The following GRIK2 variants were observed in gnomAD, a reference collection of about 807,000 sequenced individuals.
GRIK2 encodes glutamate ionotropic receptor kainate type subunit 2, also known as glutamate receptor ionotropic, kainate 2.
A neutral mutation model predicts 100.3 loss-of-function variants in GRIK2; 32 were observed. The observed-to-expected ratio is 0.32, with a 90% CI of 0.24 to 0.43. The LOEUF (loss-of-function observed/expected upper bound fraction) is 0.43. GRIK2 is among the 20% of genes least tolerant of loss of function. The probability of loss-of-function intolerance (pLI) is 1.00; values close to 1 mark genes in which losing one functional copy is unlikely to be tolerated. For missense variants in GRIK2, 843 were observed against 1,114.9 expected, an observed-to-expected ratio of 0.76 and a Z score of 3.47; for synonymous variants, 417 against 389.4, an observed-to-expected ratio of 1.07 and a Z score of -0.83.
chr6:102,053,519 C>T (rs1378865711), intron 15 of GRIK2, among the ~76,000 whole-genome samples: 1 of 151,948 alleles, frequency 6.6e-6, no homozygotes, highest in Non-Finnish European at 1.5e-5. Flanking sequence ...TGCTGAGAGC[C>T]TATGATTTGA....
rs71028069 is a variant in GRIK2, at chr6:101,464,497, CTTTTTTTTTTTTTTTTTT to C, written c.115+65126_115+65143del. Among the ~76,000 whole-genome samples, 99 of 62,038 alleles carry C rather than the reference CTTTTTTTTTTTTTTTTTT, an allele frequency of 1.6e-3. 1 individual carries two copies. The highest frequency in any genetic ancestry group is 4.3e-3 in the South Asian group (6 of 1,382). 40.7% of individuals were successfully genotyped at this position (62,038 alleles called of 152,430 possible). A position where few individuals can be genotyped will look rare whatever the true frequency, so the allele number is the denominator to read the frequency against. On this transcript the variant is annotated intron_variant, in intron 2 of 16. Coordinates refer to ENST00000369134, the MANE Select transcript of GRIK2 (RefSeq NM_021956.5). ...TAATTTTTACCTTTTCTTTTTCTTTCTTTTTTTTTTTTTTTTTTTTTTTTTTTTTTTTTTTTTTGAGAC... is the reference window on the plus strand; with the variant it reads ...TAATTTTTACCTTTTCTTTTTCTTTCTTTTTTTTTTTTTTTTTTTTGAGAC...
intron 14 of GRIK2, among the ~76,000 whole-genome samples, chr6:102,010,074 A>C (rs1795446417): frequency 6.6e-6 from 1 of 152,162 alleles, no homozygotes; most frequent in East Asian, 1.9e-4. Flanking sequence ...AACAGAAAGT[A>C]GAGAAAGTTA....
chr6:101,449,812 CT>C (rs1028441480), intron 2 of GRIK2, among the ~76,000 whole-genome samples: 26 of 151,648 alleles, frequency 1.7e-4, no homozygotes, highest in Middle Eastern at 6.8e-3. Flanking sequence ...TTTCAGATGC[CT>C]TTAATATTTT....
intron 2 of GRIK2, among the ~76,000 whole-genome samples, chr6:101,461,383 A>G (rs1771300300): frequency 6.6e-6 from 1 of 152,258 alleles, no homozygotes; most frequent in Non-Finnish European, 1.5e-5. Context: ...TCGTGGTTGT[A>G]GTATTGATAT....
At chr6:101,658,049 TTTA>T (rs1269508228) in intron 4 of GRIK2, among the ~76,000 whole-genome samples, 6 of 152,082 alleles carry the variant, frequency 3.9e-5, no homozygotes, top group African/African-American at 1.4e-4. Context: ...TTTTTTAAAA[TTTA>T]TTAATTTATT....
At chr6:101,476,827 A>AAGCACTAT (rs1772258462) in intron 2 of GRIK2, among the ~76,000 whole-genome samples, 1 of 152,152 alleles carries the variant, frequency 6.6e-6, no homozygotes, top group African/African-American at 2.4e-5. Context: ...ATGTCAAGCT[A>AAGCACTAT]AGCACTATGA....
chr6:101,968,504 A>G (rs766645720), intron 14 of GRIK2, among the ~76,000 whole-genome samples: 2 of 152,084 alleles, frequency 1.3e-5, no homozygotes, highest in Admixed American at 1.3e-4. Context: ...AAAGGAGCAT[A>G]TCATTATGGA....
At chr6:101,394,545 T>A (rs1309714344) in intron 1 of GRIK2, among the ~76,000 whole-genome samples, 2 of 152,212 alleles carry the variant, frequency 1.3e-5, no homozygotes, top group Non-Finnish European at 2.9e-5. Context: ...TTAGTAGCCT[T>A]TTGGTAATGC....
At chr6:101,929,815 A>C (rs1790144125) in intron 14 of GRIK2, among the ~76,000 whole-genome samples, 1 of 152,134 alleles carries the variant, frequency 6.6e-6, no homozygotes, top group East Asian at 1.9e-4. Context: ...TTCAAAGTGA[A>C]TTTCTCATAT....
chr6:101,787,205 C>G (rs1025692417), intron 7 of GRIK2, among the ~76,000 whole-genome samples: 2 of 151,312 alleles, frequency 1.3e-5, no homozygotes, highest in Non-Finnish European at 3.0e-5. Flanking sequence ...TTGGGTCTTT[C>G]ATCTTTTTTT....
chr6:101,411,756 G>GCTTATTCTT (rs1775893351), intron 2 of GRIK2, among the ~76,000 whole-genome samples: 1 of 151,948 alleles, frequency 6.6e-6, no homozygotes, highest in Admixed American at 6.6e-5. Context: ...CCACTCAAGG[G>GCTTATTCTT]CTTATTCTTT....
chr6:101,525,543 A>C (rs1344452993), intron 2 of GRIK2, among the ~76,000 whole-genome samples: 1 of 152,232 alleles, frequency 6.6e-6, no homozygotes, highest in East Asian at 1.9e-4. Context: ...ATAGGATCTT[A>C]GTTAACAATT....
intron 7 of GRIK2, among the ~76,000 whole-genome samples, chr6:101,687,356 G>A (rs1188685109): frequency 1.3e-5 from 2 of 151,924 alleles, no homozygotes; most frequent in African/African-American, 4.8e-5. Flanking sequence ...TAGCTTAGCA[G>A]TGGGGTGATA....
intron 9 of GRIK2, among the ~76,000 whole-genome samples, chr6:101,808,556 G>A (rs1264236826): frequency 2.6e-5 from 4 of 151,828 alleles, no homozygotes; most frequent in African/African-American, 9.7e-5. Flanking sequence ...AAGTACAGGT[G>A]TAAATTAAAA....
intron 2 of GRIK2, among the ~76,000 whole-genome samples, chr6:101,440,972 AT>A (rs570045381): frequency 0.027 from 3,696 of 135,864 alleles, 69 homozygotes; most frequent in East Asian, 0.1. Context: ...GCAGGCCTGA[AT>A]TTTTTTTTTT....
chr6:101,542,154 T>C (rs941407550), intron 2 of GRIK2, among the ~76,000 whole-genome samples: 6 of 152,040 alleles, frequency 3.9e-5, no homozygotes, highest in Non-Finnish European at 7.4e-5. Context: ...TTCATCTGAA[T>C]CCTTTAAAGC....
intron 15 of GRIK2, 48 bp from the exon 16 acceptor site, chr6:102,055,282 G>C (rs768102486): frequency 3.4e-6 from 5 of 1,452,792 alleles, no homozygotes; most frequent in Non-Finnish European, 4.7e-6. Context: ...CTTTAATTAT[G>C]AAATTTCAGG....
chr6:101,605,940 C>G (rs1490089749), intron 2 of GRIK2, among the ~76,000 whole-genome samples: 2 of 151,982 alleles, frequency 1.3e-5, no homozygotes, highest in African/African-American at 4.8e-5. Flanking sequence ...GAAAGTAGAG[C>G]TCACTTCCTA....
chr6:102,051,085 G>A (rs1187793083), intron 15 of GRIK2, among the ~76,000 whole-genome samples: 1 of 152,134 alleles, frequency 6.6e-6, no homozygotes, highest in Non-Finnish European at 1.5e-5. Context: ...AGATACATTT[G>A]TAGTTTTTAT....
Sources: gnomAD v4.1 joint callset for allele counts (sites outside exome capture counted in the v4.1 genomes callset) on GRCh38, gnomAD v4.1.1 for gene constraint, MANE v1.5 for transcripts, NCBI Gene and HGNC (gene_info 2026-07-23, HGNC 2026-07-21) for gene names.